ZNF536: variants seen among roughly 807,000 people sequenced by gnomAD.
The protein encoded by ZNF536 is zinc finger protein 536.
A neutral mutation model predicts 84.5 loss-of-function variants in ZNF536; 13 were observed. That is an observed-to-expected ratio of 0.15 (90% CI 0.10 to 0.24). The LOEUF is 0.24. Among genes scored for constraint, ZNF536 ranks in the 10% least tolerant of loss-of-function variants. ZNF536 has a pLI of 1.00. For synonymous variants in ZNF536, 811 were observed against 742.5 expected, an observed-to-expected ratio of 1.09 and a Z score of -1.50; for missense variants, 1,536 against 1,747.5, an observed-to-expected ratio of 0.88 and a Z score of 2.16.
At chr19:30,711,768 A>G (rs979185438) in exon 2 of ZNF536, 2 of 152,210 alleles carry the variant, frequency 1.3e-5, no homozygotes, top group African/African-American at 4.8e-5. Context: ...TTTTTAAAAA[A>G]AAATTTTGGA....
intron 2 of ZNF536, among the ~76,000 whole-genome samples, chr19:30,502,594 C>T (rs2054997016): frequency 6.6e-6 from 1 of 152,146 alleles, no homozygotes. Context: ...GTCTCATCAA[C>T]CTGGACATTT....
intron 1 of ZNF536, among the ~76,000 whole-genome samples, chr19:30,406,674 G>A (rs1346608594): frequency 6.6e-6 from 1 of 152,156 alleles, no homozygotes; most frequent in African/African-American, 2.4e-5. Context: ...AACGTGCCGG[G>A]GCTGGCACAG....
chr19:30,380,366 G>A (rs376052565), intron 1 of ZNF536, among the ~76,000 whole-genome samples: 2 of 152,104 alleles, frequency 1.3e-5, no homozygotes, highest in Admixed American at 6.5e-5. Flanking sequence ...TGGTGTCAGT[G>A]TTGGAGACGG....
intron 1 of ZNF536, among the ~76,000 whole-genome samples, chr19:30,643,922 C>A (rs1216007916): frequency 6.6e-6 from 1 of 152,148 alleles, no homozygotes; most frequent in African/African-American, 2.4e-5. Flanking sequence ...CAATTTGAAT[C>A]AAAAATTGGG....
intron 1 of ZNF536, among the ~76,000 whole-genome samples, chr19:30,381,670 G>A (rs945298441): frequency 6.6e-6 from 1 of 152,186 alleles, no homozygotes. Context: ...TGCAGGCTGG[G>A]GCAAGGGGCT....
chr19:30,330,193 G>A (rs1172746377), intron 2 of ZNF536, among the ~76,000 whole-genome samples: 5 of 152,242 alleles, frequency 3.3e-5, no homozygotes, highest in Non-Finnish European at 7.4e-5. Flanking sequence ...GCTGGGAGGC[G>A]CCAGGTGCCC....
chr19:30,662,956 T>G (rs1017976653), intron 1 of ZNF536, among the ~76,000 whole-genome samples: 2 of 150,004 alleles, frequency 1.3e-5, no homozygotes, highest in Admixed American at 1.3e-4. Flanking sequence ...TTTTTCTTTT[T>G]CGTTTCTTTT....
chr19:30,406,763 T>G (rs1480638378), intron 1 of ZNF536, among the ~76,000 whole-genome samples: 1 of 152,214 alleles, frequency 6.6e-6, no homozygotes, highest in Non-Finnish European at 1.5e-5. Context: ...ACAAGTTTTC[T>G]GTAGCGGGTG....
intron 1 of ZNF536, among the ~76,000 whole-genome samples, chr19:30,705,302 C>G (rs1435445314): frequency 7.0e-6 from 1 of 142,846 alleles, no homozygotes; most frequent in Non-Finnish European, 1.5e-5. Flanking sequence ...GCAAACAACT[C>G]AGAAAGATGT....
chr19:30,542,549 T>C (rs2045373491), intron 3 of ZNF536, among the ~76,000 whole-genome samples: 2 of 152,174 alleles, frequency 1.3e-5, no homozygotes, highest in African/African-American at 4.8e-5. Flanking sequence ...CTAGCAAAAC[T>C]CTTCTTTCTA....
At chr19:30,509,420 TTATAA>T (rs983958797) in intron 2 of ZNF536, among the ~76,000 whole-genome samples, 1 of 138,692 alleles carries the variant, frequency 7.2e-6, no homozygotes, top group Non-Finnish European at 1.6e-5. Flanking sequence ...GTATAACATA[TTATAA>T]TATATAATGT....
chr19:30,351,299 C>T (rs189199364), intron 2 of ZNF536, among the ~76,000 whole-genome samples: 565 of 152,290 alleles, frequency 3.7e-3, no homozygotes, highest in Admixed American at 8.3e-3. Context: ...GTTTCAGAAT[C>T]CTTGGAACCC....
At position 30,408,806 on chromosome 19, in the gene ZNF536, C is replaced by T. The variant is rs1437252707; in HGVS notation, c.-2-34755C>T. Among the ~76,000 whole-genome samples the T allele has an allele frequency of 2.0e-5, 3 of 150,880 alleles. No individual in the cohort carries two copies. The East Asian group carries it at 5.9e-4, about 29-fold the overall frequency. On this transcript the variant is annotated intron_variant, in intron 1 of 4. Transcript: ENST00000355537. Reference sequence around the variant, plus strand: ...TCATACATCTATCCTTCCATCTATTCATCCATCCATTATTCTCTATCATCC... The same window carrying T: ...TCATACATCTATCCTTCCATCTATTTATCCATCCATTATTCTCTATCATCC...
At chr19:30,588,422 G>A (rs971609086) in intron 1 of ZNF536, among the ~76,000 whole-genome samples, 3 of 152,214 alleles carry the variant, frequency 2.0e-5, no homozygotes, top group Admixed American at 2.0e-4. Flanking sequence ...TTGAGGAGGA[G>A]ATTGGCAGAC....
chr19:30,703,653 G>A (rs2052092935), intron 1 of ZNF536, among the ~76,000 whole-genome samples: 1 of 152,168 alleles, frequency 6.6e-6, no homozygotes, highest in Admixed American at 6.5e-5. Flanking sequence ...GGCACAGGAA[G>A]CACTTGCTAA....
chr19:30,269,539 G>T (rs2025705567), intron 1 of ZNF536, among the ~76,000 whole-genome samples: 1 of 152,188 alleles, frequency 6.6e-6, no homozygotes, highest in Admixed American at 6.5e-5. Context: ...ATGATTCATG[G>T]TTGGGGTTGC....
chr19:30,665,813 G>T, intron 1 of ZNF536: 1 of 152,720 alleles, frequency 6.5e-6, no homozygotes. Flanking sequence ...TTGGGGTTTG[G>T]GTATTTGGGG....
At chr19:30,561,277 G>A (rs573292896), downstream of ZNF536, among the ~76,000 whole-genome samples, 2 of 152,326 alleles carry the variant, frequency 1.3e-5, no homozygotes, top group Non-Finnish European at 2.9e-5. Flanking sequence ...GAAGAGAGCT[G>A]GGGTTGACCA....
chr19:30,397,144 A>G (rs2147436749), intron 1 of ZNF536, among the ~76,000 whole-genome samples: 1 of 152,258 alleles, frequency 6.6e-6, no homozygotes, highest in South Asian at 2.1e-4. Flanking sequence ...GACTCAGGTG[A>G]TAGGAAAAGC....
Sources: allele counts gnomAD v4.1 joint callset (sites outside exome capture counted in the v4.1 genomes callset), GRCh38; gene constraint gnomAD v4.1.1; transcripts MANE v1.5; gene names NCBI Gene and HGNC (gene_info 2026-07-23, HGNC 2026-07-21).